Variants in CENPP observed in about 807,000 individuals in gnomAD.
The protein encoded by CENPP is centromere protein P.
In CENPP, 24 loss-of-function variants were observed where a neutral mutation model predicts 35.6. That is an observed-to-expected ratio of 0.67 (90% CI 0.49 to 0.95). The LOEUF (loss-of-function observed/expected upper bound fraction) is 0.95, where lower values mean the gene tolerates loss of function less well. Among genes scored for constraint, CENPP ranks in the 40% least tolerant of loss-of-function variants. The pLI is 0.00. For synonymous variants in CENPP, 120 were observed against 125.5 expected, an observed-to-expected ratio of 0.96 and a Z score of 0.29; for missense variants, 332 against 345.3, an observed-to-expected ratio of 0.96 and a Z score of 0.31.
At chr9:92,435,848 A>T (rs759454056) in intron 5 of CENPP, among the ~76,000 whole-genome samples, 3 of 152,208 alleles carry the variant, frequency 2.0e-5, no homozygotes, top group Non-Finnish European at 4.4e-5. Flanking sequence ...TTGGGCTAAT[A>T]CTAATAAAGT....
rs866580662 is a variant in CENPP at position 92,619,824 on chromosome 9, G to A, written c.*6675G>A. The stretch of plus-strand genomic sequence containing the variant: ...CTCACGGCAAGCAGTGTGGGACCCC[G>A]ACTCCAGACCCTGAGACGGATGATC... On this transcript the variant is annotated 3_prime_UTR_variant, in exon 8 of 8. Coordinates refer to ENST00000375587, the MANE Select transcript of CENPP (RefSeq NM_001012267.3). 5.4e-5 allele frequency: 28 copies of A among 518,788 alleles called. 1 individual carries two copies. The highest frequency in any genetic ancestry group is 3.4e-4 in the African/African-American group (18 of 52,388). 32.1% of individuals were successfully genotyped at this position (518,788 alleles called of 1,614,324 possible). A position where few individuals can be genotyped will look rare whatever the true frequency, so the allele number is the denominator to read the frequency against.
chr9:92,420,548 T>C (rs2130967745), intron 5 of CENPP, among the ~76,000 whole-genome samples: 1 of 152,306 alleles, frequency 6.6e-6, no homozygotes, highest in Non-Finnish European at 1.5e-5. Context: ...TAGACCATCC[T>C]CCTTCCCTCT....
At chr9:92,539,948 A>G (rs1207138627) in intron 5 of CENPP, among the ~76,000 whole-genome samples, 2 of 152,184 alleles carry the variant, frequency 1.3e-5, no homozygotes, top group Non-Finnish European at 2.9e-5. Flanking sequence ...CAAAAAGGTT[A>G]TAGTAAATAA....
chr9:92,526,792 A>G (rs1848441716), intron 5 of CENPP, among the ~76,000 whole-genome samples: 1 of 152,124 alleles, frequency 6.6e-6, no homozygotes, highest in Non-Finnish European at 1.5e-5. Context: ...AAACTTTTTT[A>G]TAAATTTAGT....
intron 5 of CENPP, among the ~76,000 whole-genome samples, chr9:92,466,762 G>C (rs1284820329): frequency 1.3e-5 from 2 of 152,132 alleles, no homozygotes; most frequent in Non-Finnish European, 2.9e-5. Flanking sequence ...AAAGTGCAGA[G>C]CTATAATAAT....
In CENPP at chr9:92,533,329, ATAT is replaced by A. The variant is rs1248627918; in HGVS notation, c.565-77984_565-77982del. Among the ~76,000 whole-genome samples, 172 of 43,498 alleles carry A rather than the reference ATAT, an allele frequency of 4.0e-3. 1 individual carries two copies. Among genetic ancestry groups the A allele is most frequent in the African/African-American group, 4.8e-3 (49 of 10,290 alleles). The allele number at this position is 43,498 out of a possible 152,430, so 28.5% of individuals were successfully genotyped here. A position where few individuals can be genotyped will look rare whatever the true frequency, so the allele number is the denominator to read the frequency against. On this transcript the variant is annotated intron_variant, in intron 5 of 7. Coordinates refer to ENST00000375587, the MANE Select transcript of CENPP (RefSeq NM_001012267.3). Reference sequence around the variant, plus strand: ...AAAAAAAAAAAAAAAAAAAAAAAAAATATATATATATATATATATATATATATA... The same window carrying A: ...AAAAAAAAAAAAAAAAAAAAAAAAAAATATATATATATATATATATATATA...
At chr9:92,330,999 T>G (rs1840728533) in intron 1 of CENPP, among the ~76,000 whole-genome samples, 1 of 151,572 alleles carries the variant, frequency 6.6e-6, no homozygotes, top group Non-Finnish European at 1.5e-5. Flanking sequence ...CAACTAAAAT[T>G]TCATTCTTTT....
chr9:92,615,217 G>C lies in CENPP; in HGVS notation c.*2068G>C. Reference sequence around the variant, plus strand: ...TCCTGACCTGAGCCTTGCGCTCCCTGCTGCCCTGTGTGGAACTGTGGGCTT... The same window carrying C: ...TCCTGACCTGAGCCTTGCGCTCCCTCCTGCCCTGTGTGGAACTGTGGGCTT... On this transcript the variant is annotated 3_prime_UTR_variant, in exon 8 of 8. Coordinates refer to ENST00000375587, the MANE Select transcript of CENPP (RefSeq NM_001012267.3). The C allele has an allele frequency of 6.5e-6, 1 of 152,992 alleles. No individual in the cohort carries two copies. Among genetic ancestry groups the C allele is most frequent in the Middle Eastern group, 3.2e-3 (1 of 316 alleles). 9.5% of individuals were successfully genotyped at this position (152,992 alleles called of 1,614,324 possible).
intron 5 of CENPP, among the ~76,000 whole-genome samples, chr9:92,477,523 C>T (rs568280168): frequency 6.6e-6 from 1 of 152,192 alleles, no homozygotes; most frequent in South Asian, 2.1e-4. Context: ...CTGCCCTTGA[C>T]CTTGTCTGAC....
chr9:92,387,183 G>A (rs1314327842), intron 5 of CENPP, among the ~76,000 whole-genome samples: 1 of 151,806 alleles, frequency 6.6e-6, no homozygotes, highest in African/African-American at 2.4e-5. Context: ...GACCAGCCTG[G>A]CCAACATGGT....
At chr9:92,600,300 C>T (rs1054920676) in intron 5 of CENPP, 35 of 1,477,420 alleles carry the variant, frequency 2.4e-5, no homozygotes, top group Non-Finnish European at 2.9e-5. Flanking sequence ...CATACAGGCC[C>T]ATTATTCATG....
At chr9:92,445,403 T>C (rs1318312272) in intron 5 of CENPP, among the ~76,000 whole-genome samples, 1 of 152,120 alleles carries the variant, frequency 6.6e-6, no homozygotes, top group Non-Finnish European at 1.5e-5. Flanking sequence ...AGTGAGCTAG[T>C]CTTCCTGATG....
At chr9:92,337,086 G>T (rs979504194) in intron 2 of CENPP, among the ~76,000 whole-genome samples, 1 of 152,230 alleles carries the variant, frequency 6.6e-6, no homozygotes, top group Admixed American at 6.5e-5. Context: ...GGGAGGCCGA[G>T]GTGGGTGGAT....
intron 3 of CENPP, among the ~76,000 whole-genome samples, chr9:92,338,845 G>C: frequency 6.6e-6 from 1 of 152,058 alleles, no homozygotes; most frequent in African/African-American, 2.4e-5. Context: ...ACCTCGTATT[G>C]AACTGCTGAG....
intron 5 of CENPP, among the ~76,000 whole-genome samples, chr9:92,434,414 G>A (rs1000021779): frequency 4.6e-5 from 7 of 151,070 alleles, no homozygotes; most frequent in African/African-American, 1.7e-4. Context: ...AATAGAATGA[G>A]TAATTGGAGA....
intron 5 of CENPP, among the ~76,000 whole-genome samples, chr9:92,492,058 T>C (rs1474719171): frequency 1.3e-5 from 2 of 152,180 alleles, no homozygotes; most frequent in African/African-American, 4.8e-5. Context: ...CTGAACTACG[T>C]GTATGTGTTG....
intron 5 of CENPP, among the ~76,000 whole-genome samples, chr9:92,575,157 C>T (rs1384970623): frequency 6.6e-6 from 1 of 152,158 alleles, no homozygotes; most frequent in East Asian, 1.9e-4. Flanking sequence ...CAAGTGATTT[C>T]TTAGATATGA....
intron 4 of CENPP, among the ~76,000 whole-genome samples, chr9:92,357,112 G>A (rs1841609019): frequency 6.6e-6 from 1 of 151,760 alleles, no homozygotes; most frequent in Admixed American, 6.6e-5. Flanking sequence ...AATCATGTAG[G>A]AAACAAAAAG....
chr9:92,457,176 G>A, intron 5 of CENPP: 1 of 1,444,898 alleles, frequency 6.9e-7, no homozygotes, highest in Non-Finnish European at 9.1e-7. Flanking sequence ...TACCACTTGA[G>A]AATAGATATT....
Sources: gnomAD v4.1 joint callset for allele counts (sites outside exome capture counted in the v4.1 genomes callset) on GRCh38, gnomAD v4.1.1 for gene constraint, MANE v1.5 for transcripts, NCBI Gene and HGNC (gene_info 2026-07-23, HGNC 2026-07-21) for gene names.